Variants in NKAIN2 observed in about 807,000 individuals in gnomAD.
NKAIN2 encodes sodium/potassium transporting ATPase interacting 2, also known as sodium/potassium-transporting ATPase subunit beta-1-interacting protein 2.
A neutral mutation model predicts 32.6 loss-of-function variants in NKAIN2; 14 were observed. The observed-to-expected ratio is 0.43, with a 90% CI of 0.28 to 0.67. The LOEUF is 0.67. Ranked by LOEUF, NKAIN2 falls within the 30% of genes least tolerant of loss-of-function variation. The pLI is 0.17. For missense variants in NKAIN2, 198 were observed against 258.3 expected, an observed-to-expected ratio of 0.77 and a Z score of 1.60; for synonymous variants, 80 against 87.2, an observed-to-expected ratio of 0.92 and a Z score of 0.46.
chr6:124,500,668 A>G (rs1360948044), intron 3 of NKAIN2, among the ~76,000 whole-genome samples: 1 of 149,926 alleles, frequency 6.7e-6, no homozygotes, highest in Non-Finnish European at 1.5e-5. Flanking sequence ...AATCAATCAA[A>G]TAAATAAATA....
intron 3 of NKAIN2, among the ~76,000 whole-genome samples, chr6:124,480,370 T>G (rs907373968): frequency 1.1e-4 from 16 of 152,154 alleles, no homozygotes; most frequent in Non-Finnish European, 1.9e-4. Context: ...GGCCAAGGTT[T>G]GTAGGTTTCT....
chr6:124,631,049 A>ATCTT (rs1311022927), intron 3 of NKAIN2, among the ~76,000 whole-genome samples: 5 of 152,202 alleles, frequency 3.3e-5, no homozygotes, highest in African/African-American at 9.6e-5. Context: ...TTTTGTAGGA[A>ATCTT]TCTTTTCAGA....
intron 3 of NKAIN2, among the ~76,000 whole-genome samples, chr6:124,610,854 C>T (rs1313362977): frequency 1.3e-5 from 2 of 152,028 alleles, no homozygotes; most frequent in Non-Finnish European, 2.9e-5. Context: ...AAGAAATGTA[C>T]TTGACCACCA....
intron 3 of NKAIN2, among the ~76,000 whole-genome samples, chr6:124,588,139 A>G (rs1301965791): frequency 1.3e-5 from 2 of 152,204 alleles, no homozygotes; most frequent in Non-Finnish European, 2.9e-5. Flanking sequence ...CAGATTTTAT[A>G]GCAGCCAGGG....
At chr6:124,717,129 C>T (rs781479500) in intron 4 of NKAIN2, among the ~76,000 whole-genome samples, 1 of 152,198 alleles carries the variant, frequency 6.6e-6, no homozygotes, top group Non-Finnish European at 1.5e-5. Flanking sequence ...TTGACACTTT[C>T]TCATTATTTG....
chr6:124,447,788 C>A (rs1328266446), intron 3 of NKAIN2, among the ~76,000 whole-genome samples: 1 of 152,088 alleles, frequency 6.6e-6, no homozygotes, highest in Non-Finnish European at 1.5e-5. Context: ...TTTTTAAATG[C>A]TGGTGAGTTT....
intron 1 of NKAIN2, among the ~76,000 whole-genome samples, chr6:123,940,099 T>C (rs1054056439): frequency 2.6e-5 from 4 of 151,744 alleles, no homozygotes; most frequent in African/African-American, 9.7e-5. Flanking sequence ...CATTAAAAAA[T>C]TACTTGACCC....
chr6:124,414,854 A>T (rs562873351), intron 3 of NKAIN2, among the ~76,000 whole-genome samples: 1 of 152,174 alleles, frequency 6.6e-6, no homozygotes, highest in East Asian at 1.9e-4. Context: ...CTTATTTCTG[A>T]TATTGTTAAC....
At chr6:124,065,172 C>G (rs1783107216) in intron 1 of NKAIN2, among the ~76,000 whole-genome samples, 1 of 151,944 alleles carries the variant, frequency 6.6e-6, no homozygotes, top group Admixed American at 6.6e-5. Flanking sequence ...GCTTTCTAAT[C>G]TAACGCACCT....
chr6:123,906,621 A>G (rs950672543), intron 1 of NKAIN2, among the ~76,000 whole-genome samples: 6 of 152,154 alleles, frequency 3.9e-5, no homozygotes, highest in Admixed American at 6.5e-5. Flanking sequence ...AGCACAAGAT[A>G]AAAAGCTTAT....
chr6:124,318,457 G>A (rs1286528325), intron 2 of NKAIN2, among the ~76,000 whole-genome samples: 1 of 151,710 alleles, frequency 6.6e-6, no homozygotes, highest in East Asian at 1.9e-4. Context: ...AATTATTCTT[G>A]ATAATTATTA....
rs76571347 is a variant in NKAIN2 at position 124,064,708 on chromosome 6, T to A, written c.55-218297T>A. Among the ~76,000 whole-genome samples, 1,499 of 152,302 alleles carry A rather than the reference T, an allele frequency of 9.8e-3. 35 individuals are homozygous for A. The East Asian group carries it at 0.11, about 11-fold the overall frequency. ...AATTTAGATATGAATAATATATAAT[T>A]ATAGTGTCGTTTTTGTTTTAACTAT... On this transcript the variant is annotated intron_variant, in intron 1 of 6. Coordinates refer to ENST00000368417, the MANE Select transcript of NKAIN2 (RefSeq NM_001040214.3).
At chr6:124,077,114 T>A (rs1783730337) in intron 1 of NKAIN2, among the ~76,000 whole-genome samples, 1 of 152,206 alleles carries the variant, frequency 6.6e-6, no homozygotes, top group African/African-American at 2.4e-5. Context: ...CTTGAACTTT[T>A]TCTTGATAAA....
chr6:124,513,451 G>A (rs1364736099), intron 3 of NKAIN2, among the ~76,000 whole-genome samples: 1 of 152,044 alleles, frequency 6.6e-6, no homozygotes, highest in African/African-American at 2.4e-5. Context: ...GAGGCTATTA[G>A]GATCTCTGGA....
intron 1 of NKAIN2, among the ~76,000 whole-genome samples, chr6:124,165,876 A>T (rs1788511812): frequency 8.0e-6 from 1 of 125,436 alleles, no homozygotes; most frequent in Non-Finnish European, 1.6e-5. Flanking sequence ...ATAGTATTCC[A>T]TGGTGTATAT....
At chr6:123,925,963 G>T (rs1016394786) in intron 1 of NKAIN2, among the ~76,000 whole-genome samples, 1 of 152,138 alleles carries the variant, frequency 6.6e-6, no homozygotes, top group African/African-American at 2.4e-5. Flanking sequence ...GACAGATTCG[G>T]TGTCTGTTGA....
chr6:124,343,435 A>C (rs1185720020), intron 2 of NKAIN2, among the ~76,000 whole-genome samples: 5 of 151,074 alleles, frequency 3.3e-5, no homozygotes, highest in Admixed American at 3.3e-4. Context: ...GAACTAGTTT[A>C]CAGTCCCACC....
At chr6:124,754,100 C>G (rs1777851218) in intron 4 of NKAIN2, among the ~76,000 whole-genome samples, 1 of 152,042 alleles carries the variant, frequency 6.6e-6, no homozygotes, top group Non-Finnish European at 1.5e-5. Flanking sequence ...TGCATTGCAC[C>G]TGCATTAGTA....
intron 1 of NKAIN2, among the ~76,000 whole-genome samples, chr6:124,006,338 C>T (rs920339023): frequency 9.9e-5 from 15 of 152,102 alleles, no homozygotes; most frequent in African/African-American, 3.6e-4. Flanking sequence ...AGTTGAGTGG[C>T]TTCAATTTAT....
Sources: gnomAD v4.1 joint callset for allele counts (sites outside exome capture counted in the v4.1 genomes callset) on GRCh38, gnomAD v4.1.1 for gene constraint, MANE v1.5 for transcripts, NCBI Gene and HGNC (gene_info 2026-07-23, HGNC 2026-07-21) for gene names.